The following CPNE7 variants were observed in gnomAD, a reference collection of about 807,000 sequenced individuals.
CPNE7 encodes copine-7.
A neutral mutation model predicts 66.5 loss-of-function variants in CPNE7; 78 were observed. The ratio of observed to expected loss-of-function variants is 1.17; its 90% CI spans 0.98 to 1.42. The LOEUF (loss-of-function observed/expected upper bound fraction) is 1.42. Among genes scored for constraint, CPNE7 ranks in the 40% most tolerant of loss-of-function variants. CPNE7 has a pLI of 0.00. For synonymous variants in CPNE7, 468 were observed against 336.7 expected, an observed-to-expected ratio of 1.39 and a Z score of -4.27; for missense variants, 1,012 against 776.6, an observed-to-expected ratio of 1.30 and a Z score of -3.60.
At chr16:89,593,455 C>G (rs368406468) in intron 13 of CPNE7, among the ~76,000 whole-genome samples, 7 of 151,878 alleles carry the variant, frequency 4.6e-5, no homozygotes, top group African/African-American at 1.4e-4. Flanking sequence ...CGGGTTCACG[C>G]CATTCTCCTG....
intron 8 of CPNE7, 127 bp from the exon 9 acceptor site, chr16:89,586,916 G>C (rs375245294): frequency 1.0e-4 from 112 of 1,103,778 alleles, no homozygotes; most frequent in Non-Finnish European, 1.4e-4. Flanking sequence ...GAGAGAGGAT[G>C]GGGGAGAGGA....
intron 1 of CPNE7, among the ~76,000 whole-genome samples, chr16:89,577,155 C>A (rs901079111): frequency 1.3e-5 from 2 of 152,178 alleles, no homozygotes; most frequent in African/African-American, 4.8e-5. Context: ...GCCCATGGTA[C>A]CCCAGCCAGG....
intron 9 of CPNE7, chr16:89,587,594 A>G: frequency 7.0e-6 from 1 of 142,816 alleles, no homozygotes; most frequent in Non-Finnish European, 2.5e-5. Flanking sequence ...TGAGCGTTTG[A>G]GTGAACCAGC....
At chr16:89,576,249 A>C (rs919723856) in intron 1 of CPNE7, among the ~76,000 whole-genome samples, 178 bp downstream of exon 1, 6 of 151,808 alleles carry the variant, frequency 4.0e-5, no homozygotes, top group African/African-American at 1.5e-4. Flanking sequence ...TGGGGTGTCC[A>C]GAGCTGTGGG....
At chr16:89,595,945 A>T (rs1284849566) in intron 14 of CPNE7, 3 of 527,180 alleles carry the variant, frequency 5.7e-6, no homozygotes, top group Non-Finnish European at 1.1e-5. Context: ...ACCCGCCGAG[A>T]CACACACAGC....
chr16:89,584,824 C>A lies in CPNE7; in HGVS notation c.558C>A (p.Asp186Glu), dbSNP rs768563080. ...TCCTGGAGCTCTACAGGGTCAACGA[C>A]GACCAGGGCTTGCAGCTGGTGTACA... ...DPFLELYRVN[D>E]DQGLQLVYRT... The change falls in exon 5 of 15, where the codon GAC (aspartate) becomes GAA (glutamate). Residue 186 changes from aspartate (D) to glutamate (E), a missense_variant. Physicochemically the swap from Asp to Glu is conservative, Grantham distance 45 (BLOSUM62 2). Coordinates refer to ENST00000319518, the MANE Select transcript of CPNE7 (RefSeq NM_153636.3). This position sits in a 1 kb window ranked among gnomAD's most constrained non-coding sequence, Gnocchi z 6.0. 6.2e-7 allele frequency: 1 copy of A among 1,613,646 alleles called. No individual in the cohort carries two copies. The highest frequency in any genetic ancestry group is 8.5e-7 in the Non-Finnish European group (1 of 1,179,956).
intron 13 of CPNE7, chr16:89,594,113 G>C (rs995945072): frequency 2.6e-5 from 4 of 152,088 alleles, no homozygotes; most frequent in African/African-American, 9.7e-5. Flanking sequence ...CTGAGCCCTC[G>C]GTCCCTCTCC....
At chr16:89,592,535 C>T (rs1285118725) in intron 13 of CPNE7, among the ~76,000 whole-genome samples, 6 of 150,106 alleles carry the variant, frequency 4.0e-5, no homozygotes, top group African/African-American at 1.5e-4. Flanking sequence ...CTCCACCCTC[C>T]GAGTTCAAGC....
Position 89,591,271 on chromosome 16 carries a change from G to A in CPNE7, c.1302+11G>A, listed in dbSNP as rs537042613. 22 of 1,557,986 alleles carry A rather than the reference G, an allele frequency of 1.4e-5. No individual in the cohort carries two copies. The highest frequency in any genetic ancestry group is 1.8e-4 in the Middle Eastern group (1 of 5,596). ...ACCGGGAAAGCCTCTGTAGGTGCCC[G>A]GGGGGTGTGGTGCATGCTTGGTGTG... On this transcript the variant is annotated intron_variant, in intron 13 of 14. Transcript: ENST00000319518.
intron 9 of CPNE7, chr16:89,587,415 G>A (rs1379493230): frequency 1.5e-5 from 5 of 331,926 alleles, no homozygotes; most frequent in Admixed American, 6.7e-5. Flanking sequence ...CCCGTGAGCC[G>A]ATGTCTCCAT....
At chr16:89,587,461 G>T (rs1404435166) in intron 9 of CPNE7, 1 of 429,980 alleles carries the variant, frequency 2.3e-6, no homozygotes, top group African/African-American at 2.1e-5. Context: ...TTGCGCAGGC[G>T]AGGAAACGGG....
Position 89,584,832 on chromosome 16 carries a change from G to A in CPNE7, c.566G>A (p.Gly189Asp). Residue 189 changes from glycine to aspartate, a missense_variant, in exon 5 of 15, where the codon GGC (glycine) becomes GAC (aspartate). Physicochemically the swap from Gly to Asp is moderately conservative, Grantham distance 94 (BLOSUM62 -1). Transcript: ENST00000319518. This position sits in a 1 kb window ranked among gnomAD's most constrained non-coding sequence, Gnocchi z 6.0. ...CTCTACAGGGTCAACGACGACCAGG[G>A]CTTGCAGCTGGTGTACAGGACGGAG... Reference protein sequence around the residue: ...LELYRVNDDQGLQLVYRTEVV... With the variant: ...LELYRVNDDQDLQLVYRTEVV... 1.9e-6 allele frequency: 3 copies of A among 1,613,580 alleles called. No homozygotes were observed. Among genetic ancestry groups the A allele is most frequent in the Non-Finnish European group, 2.5e-6 (3 of 1,179,956 alleles).
chr16:89,588,531 C>T (rs1567962233), intron 9 of CPNE7, 144 bp from the exon 10 acceptor site: 1 of 962,790 alleles, frequency 1.0e-6, no homozygotes, highest in South Asian at 1.6e-5. Context: ...GTGGGTCAGC[C>T]CCAACAGCAG....
At chr16:89,594,640 GCCTTTTTT>G (rs2059224385) in intron 13 of CPNE7, among the ~76,000 whole-genome samples, 1 of 117,012 alleles carries the variant, frequency 8.5e-6, no homozygotes, top group African/African-American at 3.2e-5. Flanking sequence ...GTTCCATTCT[GCCTTTTTT>G]TTTTTTTTTT....
chr16:89,581,781 A>G (rs886873251), intron 2 of CPNE7, among the ~76,000 whole-genome samples: 1 of 152,138 alleles, frequency 6.6e-6, no homozygotes, highest in African/African-American at 2.4e-5. Flanking sequence ...AGTAGCTGGG[A>G]CTACAGGTGT....
intron 5 of CPNE7, 49 bp from the exon 6 acceptor site, chr16:89,585,415 G>T: frequency 1.5e-6 from 2 of 1,348,904 alleles, no homozygotes; most frequent in Non-Finnish European, 2.1e-6. Flanking sequence ...CCCCCCCAAG[G>T]ATCCCAGGGC....
rs12447806 is a variant in CPNE7, at chr16:89,596,429, C to G, written c.1540-55C>G. The G allele has an allele frequency of 1.9e-6, 3 of 1,555,194 alleles. No individual in the cohort carries two copies. In the African/African-American group the frequency reaches 4.1e-5, roughly 21 times the overall value. On this transcript the variant is annotated intron_variant, in intron 14 of 14. Coordinates refer to ENST00000319518, the MANE Select transcript of CPNE7 (RefSeq NM_153636.3). The stretch of plus-strand genomic sequence containing the variant: ...CTGGGCCATAATCCAGTTGCAGGGA[C>G]GGATGATCTCCATCTCGAAGGTCCC...
At chr16:89,586,859 CA>C in intron 8 of CPNE7, 103 bp downstream of exon 8, 1 of 1,209,666 alleles carries the variant, frequency 8.3e-7, no homozygotes, top group South Asian at 1.2e-5. Flanking sequence ...TGGTGGGCCC[CA>C]GCACGTCTGG....
Position 89,592,070 on chromosome 16 carries a change from G to A in CPNE7, c.1302+810G>A, listed in dbSNP as rs1253798353. Among the ~76,000 whole-genome samples, 8 of 145,432 alleles carry A rather than the reference G, an allele frequency of 5.5e-5. No homozygotes were observed. In the South Asian group the frequency reaches 6.6e-4, roughly 12 times the overall value. ...TCACCCAGGCTGGAAGTGTAGTGGC[G>A]CAATCTCCGCTCACTGCAACCTCCC... On this transcript the variant is annotated intron_variant, in intron 13 of 14. Coordinates refer to ENST00000319518, the MANE Select transcript of CPNE7 (RefSeq NM_153636.3).
Sources: gnomAD v4.1 joint callset for allele counts (sites outside exome capture counted in the v4.1 genomes callset) on GRCh38, gnomAD v4.1.1 for gene constraint, Gnocchi (gnomAD v3.1) non-coding constraint, MANE v1.5 for transcripts, NCBI Gene and HGNC (gene_info 2026-07-23, HGNC 2026-07-21) for gene names.